SPEF2: variants seen among roughly 807,000 people sequenced by gnomAD.
SPEF2 encodes sperm flagella and cilia-associated protein 2.
In SPEF2, 187 loss-of-function variants were observed where a neutral mutation model predicts 224.6. That is an observed-to-expected ratio of 0.83 (90% CI 0.74 to 0.94). The LOEUF (loss-of-function observed/expected upper bound fraction) is 0.94, where lower values mean the gene tolerates loss of function less well. Among genes scored for constraint, SPEF2 ranks in the 40% least tolerant of loss-of-function variants. The pLI is 0.00. For synonymous variants in SPEF2, 715 were observed against 707.3 expected (o/e 1.01, Z -0.17); for missense variants, 2,170 against 2,135.6 (o/e 1.02, Z -0.32).
Position 35,740,183 on chromosome 5 carries a change from T to C in SPEF2, c.3246T>C (p.Ala1082=), listed in dbSNP as rs765154746. 1 of 1,614,120 alleles carries C rather than the reference T, an allele frequency of 6.2e-7. No individual in the cohort carries two copies. Among genetic ancestry groups the C allele is most frequent in the South Asian group, 1.1e-5 (1 of 91,084 alleles). ...KRPDHKQDFV[A]QWQADFNSLP... Reference sequence around the variant, plus strand: ...CGGATCACAAGCAAGATTTTGTAGCTCAATGGCAGGCTGATTTCAACTCCC... The same window carrying C: ...CGGATCACAAGCAAGATTTTGTAGCCCAATGGCAGGCTGATTTCAACTCCC... The change falls in exon 23 of 37, where the codon GCT becomes GCC. Residue 1082 remains alanine (A), a synonymous_variant. Transcript: ENST00000356031.
chr5:35,646,672 C>T lies in SPEF2; in HGVS notation c.591C>T (p.Tyr197=), dbSNP rs1322054048. 3 of 1,613,326 alleles carry T rather than the reference C, an allele frequency of 1.9e-6. No individual in the cohort carries two copies. The highest frequency in any genetic ancestry group is 2.5e-6 in the Non-Finnish European group (3 of 1,179,634). ...EQRCFDIEKQ[Y]LNRRRQNEIM... is the part of the protein sequence containing the mutation. ...AATGTATATGGGATATTCAGCAATA[C>T]TTAAACAGAAGACGACAAAATGAAA... Residue 197 remains tyrosine, a synonymous_variant, in exon 5 of 37, where the codon TAC becomes TAT. Transcript: ENST00000356031.
At chr5:35,770,894 G>GA (rs11428175) in intron 26 of SPEF2, among the ~76,000 whole-genome samples, 76,179 of 151,970 alleles carry the variant, frequency 0.5, 21,428 homozygotes, top group African/African-American at 0.78. Context: ...CAGCCCAGCA[G>GA]GGAAGCTAAG....
chr5:35,642,667 T>C (rs1746768226), intron 3 of SPEF2, among the ~76,000 whole-genome samples: 1 of 152,244 alleles, frequency 6.6e-6, no homozygotes, highest in Non-Finnish European at 1.5e-5. Flanking sequence ...TTCCTTATGG[T>C]AAATGAAGTG....
intron 3 of SPEF2, chr5:35,643,585 G>C (rs1746907361): frequency 2.2e-6 from 1 of 455,188 alleles, no homozygotes; most frequent in South Asian, 1.6e-5. Flanking sequence ...ATGGAAAGAG[G>C]CCCTCTGGGG....
intron 30 of SPEF2, chr5:35,788,974 G>A: frequency 1.4e-6 from 1 of 702,838 alleles, no homozygotes; most frequent in African/African-American, 1.7e-5. Context: ...ATGGATTACA[G>A]GCAGCCCTCC....
chr5:35,694,431 G>A, intron 13 of SPEF2, 68 bp downstream of exon 13: 1 of 1,352,404 alleles, frequency 7.4e-7, no homozygotes, highest in Non-Finnish European at 1.0e-6. Context: ...ACATATATGT[G>A]AGCACAAACA....
intron 8 of SPEF2, among the ~76,000 whole-genome samples, chr5:35,664,291 A>T (rs1403317488): frequency 6.6e-6 from 1 of 151,432 alleles, no homozygotes; most frequent in Non-Finnish European, 1.5e-5. Context: ...AAAAAAAAAA[A>T]AGAGGAAAGA....
chr5:35,774,144 GA>G lies in SPEF2; in HGVS notation c.4078+127del, dbSNP rs902933586. On this transcript the variant is annotated intron_variant, in intron 28 of 36. Coordinates refer to ENST00000356031, the MANE Select transcript of SPEF2 (RefSeq NM_024867.4). ...TATGAGAACATACAGCAAAGAGGTT[GA>G]AAAGCACAATATTCAGTTGACTGTT... 1.0e-4 allele frequency: 134 copies of G among 1,302,274 alleles called. No individual in the cohort carries two copies. In the African/African-American group the frequency reaches 1.7e-3, roughly 16 times the overall value. The allele number at this position is 1,302,274 out of a possible 1,614,324, so 80.7% of individuals were successfully genotyped here.
chr5:35,807,111 A>T lies in SPEF2; in HGVS notation c.5257-20A>T, dbSNP rs780547776. On this transcript the variant is annotated intron_variant, in intron 35 of 36. Coordinates refer to ENST00000356031, the MANE Select transcript of SPEF2 (RefSeq NM_024867.4). ...CTGGATTGTGAGGTTGATTAACTTC[A>T]TTTTTTTTCTTCCTTAAAGGGCTTC... 4 of 1,597,600 alleles carry T rather than the reference A, an allele frequency of 2.5e-6. No individual in the cohort carries two copies. The highest frequency in any genetic ancestry group is 1.7e-4 in the Middle Eastern group (1 of 5,938).
intron 16 of SPEF2, among the ~76,000 whole-genome samples, chr5:35,701,243 T>C (rs1738562365): frequency 6.6e-6 from 1 of 152,252 alleles, no homozygotes; most frequent in Non-Finnish European, 1.5e-5. Flanking sequence ...TTTAACTGTT[T>C]TTCAACCTTG....
chr5:35,667,896 T>C (rs888121762), intron 9 of SPEF2, among the ~76,000 whole-genome samples: 1 of 151,982 alleles, frequency 6.6e-6, no homozygotes. Flanking sequence ...AGATGACAAA[T>C]ACACAAGTAA....
chr5:35,673,901 C>T (rs763129340), intron 10 of SPEF2, among the ~76,000 whole-genome samples: 4 of 152,148 alleles, frequency 2.6e-5, no homozygotes, highest in Non-Finnish European at 4.4e-5. Flanking sequence ...AGTTTTTTTA[C>T]AATGACCTTT....
intron 6 of SPEF2, among the ~76,000 whole-genome samples, chr5:35,652,940 T>G (rs1271369370): frequency 6.6e-6 from 1 of 152,174 alleles, no homozygotes; most frequent in Non-Finnish European, 1.5e-5. Context: ...ATTAATTACT[T>G]GTAACAAAAG....
chr5:35,757,089 T>C (rs1283083066), intron 24 of SPEF2, among the ~76,000 whole-genome samples: 2 of 152,038 alleles, frequency 1.3e-5, no homozygotes, highest in Non-Finnish European at 2.9e-5. Context: ...TTAAAAATAT[T>C]GTTTACTAGT....
intron 25 of SPEF2, among the ~76,000 whole-genome samples, chr5:35,761,557 C>T (rs1429718629): frequency 6.6e-6 from 1 of 152,112 alleles, no homozygotes; most frequent in East Asian, 1.9e-4. Context: ...CCATCTACTC[C>T]CATCACATCC....
intron 21 of SPEF2, among the ~76,000 whole-genome samples, chr5:35,729,617 G>A (rs767689801): frequency 2.0e-4 from 31 of 152,116 alleles, no homozygotes; most frequent in Non-Finnish European, 3.5e-4. Flanking sequence ...AGTCTAGTTC[G>A]TTTCCACTCT....
chr5:35,781,975 T>C (rs1465398717), intron 30 of SPEF2, among the ~76,000 whole-genome samples: 1 of 152,164 alleles, frequency 6.6e-6, no homozygotes, highest in African/African-American at 2.4e-5. Context: ...GCTCCAAACA[T>C]TGACAATGGC....
chr5:35,788,756 GTA>G, intron 30 of SPEF2: 1 of 703,042 alleles, frequency 1.4e-6, no homozygotes, highest in South Asian at 1.5e-5. Flanking sequence ...TGTACAAACT[GTA>G]TATTGCTTTG....
rs137914239 is a variant in SPEF2, at chr5:35,641,329, G to A, written c.162-102G>A. ...AGGAATGATACAGCTAAAAGGACAT[G>A]AAATAATTCAAAATATTGGATAATG... is the stretch of plus-strand genomic sequence containing the variant. On this transcript the variant is annotated intron_variant, in intron 2 of 36. Coordinates refer to ENST00000356031, the MANE Select transcript of SPEF2 (RefSeq NM_024867.4). 2,235 of 1,334,402 alleles carry A rather than the reference G, an allele frequency of 1.7e-3. 33 individuals carry two copies. The African/African-American group carries it at 0.028, about 17-fold the overall frequency. The allele number at this position is 1,334,402 out of a possible 1,614,324, so 82.7% of individuals were successfully genotyped here. A position where few individuals can be genotyped will look rare whatever the true frequency, so the allele number is the denominator to read the frequency against.
Sources: gnomAD v4.1 joint callset for allele counts (sites outside exome capture counted in the v4.1 genomes callset) on GRCh38, gnomAD v4.1.1 for gene constraint, MANE v1.5 for transcripts, NCBI Gene and HGNC (gene_info 2026-07-23, HGNC 2026-07-21) for gene names.